Variants in GGACT observed in about 807,000 individuals in gnomAD.
GGACT encodes the protein gamma-glutamylamine cyclotransferase.
For missense variants in GGACT, 241 were observed against 233.2 expected (o/e 1.03, Z -0.22); for synonymous variants, 118 against 115.3 (o/e 1.02, Z -0.15).
At chr13:100,579,115 C>T (rs1156973551) in intron 2 of GGACT, among the ~76,000 whole-genome samples, 1 of 152,118 alleles carries the variant, frequency 6.6e-6, no homozygotes, top group Non-Finnish European at 1.5e-5. Flanking sequence ...ACTGGGTGCC[C>T]ACTATGTGGA....
At chr13:100,546,995 A>G (rs999013554) in intron 2 of GGACT, among the ~76,000 whole-genome samples, 1 of 152,220 alleles carries the variant, frequency 6.6e-6, no homozygotes, top group African/African-American at 2.4e-5. Context: ...CATCCCACTC[A>G]GCCCAGATTC....
chr13:100,564,444 G>A (rs1273805086), intron 2 of GGACT, among the ~76,000 whole-genome samples: 6 of 152,116 alleles, frequency 3.9e-5, no homozygotes, highest in Admixed American at 3.9e-4. Context: ...ATTAAAGATT[G>A]AAGATTTGTA....
chr13:100,553,836 T>C (rs1594189715), intron 2 of GGACT, among the ~76,000 whole-genome samples: 3 of 81,876 alleles, frequency 3.7e-5, no homozygotes, highest in African/African-American at 6.1e-5. Flanking sequence ...GAAGCGAGAC[T>C]CCATCTCAAA....
At position 100,534,751 on chromosome 13, in the gene GGACT, A is replaced by G. The variant is rs185615916; in HGVS notation, c.-10-2150T>C. The stretch of plus-strand genomic sequence containing the variant: ...TCTCCCAACCTGCTCTCCTCCTCCA[A>G]TGCCTGCCTGCATCCCTGTTGTCTT... On this transcript the variant is annotated intron_variant, in intron 2 of 2. Coordinates refer to ENST00000683975, the MANE Select transcript of GGACT (RefSeq NM_001195087.2). This position sits in a 1 kb window ranked among gnomAD's most constrained non-coding sequence, Gnocchi z 4.9. 5.1e-3 allele frequency among the ~76,000 whole-genome samples: 767 copies of G among 151,710 alleles called. 6 individuals carry two copies. Among genetic ancestry groups the G allele is most frequent in the African/African-American group, 0.017 (704 of 41,346 alleles).
chr13:100,586,743 T>G (rs890328909), intron 1 of GGACT: 3 of 152,316 alleles, frequency 2.0e-5, no homozygotes, highest in East Asian at 3.9e-4. Flanking sequence ...TCTAGCTATT[T>G]ACCAGGTCTG....
chr13:100,551,048 G>A (rs1264226870), intron 2 of GGACT, among the ~76,000 whole-genome samples: 1 of 152,180 alleles, frequency 6.6e-6, no homozygotes, highest in East Asian at 1.9e-4. Flanking sequence ...ACTTTGGGAG[G>A]CCGAGGCGGG....
chr13:100,559,060 T>C (rs2088735051), intron 2 of GGACT, among the ~76,000 whole-genome samples: 1 of 152,082 alleles, frequency 6.6e-6, no homozygotes, highest in South Asian at 2.1e-4. Context: ...ATGATGAAAG[T>C]GTTCTAAACC....
chr13:100,559,107 T>G (rs2088735483), intron 2 of GGACT, among the ~76,000 whole-genome samples: 2 of 152,306 alleles, frequency 1.3e-5, no homozygotes, highest in African/African-American at 4.8e-5. Context: ...AGAGCACAGC[T>G]CTGATGATGG....
At chr13:100,533,636 G>T (rs1051281091) in intron 2 of GGACT, 4 of 152,216 alleles carry the variant, frequency 2.6e-5, no homozygotes, top group African/African-American at 9.7e-5. Context: ...CTGACGCAGC[G>T]GAGCTCAGCA....
intron 2 of GGACT, among the ~76,000 whole-genome samples, chr13:100,574,368 G>T (rs898709456): frequency 7.9e-5 from 12 of 152,140 alleles, no homozygotes; most frequent in African/African-American, 2.9e-4. Context: ...TTGATGTCAG[G>T]AGTTTGAGAC....
chr13:100,562,393 C>G (rs1180846072), intron 2 of GGACT, among the ~76,000 whole-genome samples: 1 of 152,198 alleles, frequency 6.6e-6, no homozygotes, highest in Admixed American at 6.5e-5. Flanking sequence ...CCTGGCACCT[C>G]ACGCAGTACC....
chr13:100,577,588 T>C (rs1293947302), intron 2 of GGACT, among the ~76,000 whole-genome samples: 1 of 152,110 alleles, frequency 6.6e-6, no homozygotes, highest in African/African-American at 2.4e-5. Flanking sequence ...ATGACATGAT[T>C]TCTGGCATTT....
At chr13:100,555,691 G>A (rs2153014662) in intron 2 of GGACT, among the ~76,000 whole-genome samples, 1 of 152,052 alleles carries the variant, frequency 6.6e-6, no homozygotes, top group East Asian at 1.9e-4. Context: ...AAAAAGAAAA[G>A]AAAAAATTAC....
intron 2 of GGACT, among the ~76,000 whole-genome samples, chr13:100,561,201 C>G (rs1478031432): frequency 6.6e-6 from 1 of 152,186 alleles, no homozygotes; most frequent in Non-Finnish European, 1.5e-5. Flanking sequence ...TATCTACAAG[C>G]TTTCCTTGAA....
intron 2 of GGACT, among the ~76,000 whole-genome samples, chr13:100,575,423 A>G (rs1316272135): frequency 2.0e-5 from 3 of 152,190 alleles, no homozygotes; most frequent in Admixed American, 2.0e-4. Context: ...AAAGAGATAG[A>G]TGCATGATTT....
intron 1 of GGACT, among the ~76,000 whole-genome samples, chr13:100,588,261 C>A (rs1478724400): frequency 6.6e-6 from 1 of 152,190 alleles, no homozygotes; most frequent in African/African-American, 2.4e-5. Flanking sequence ...AACCTTAGAT[C>A]AGAAATTCAC....
At chr13:100,552,024 C>T (rs888487891) in intron 2 of GGACT, among the ~76,000 whole-genome samples, 1 of 152,212 alleles carries the variant, frequency 6.6e-6, no homozygotes, top group Non-Finnish European at 1.5e-5. Flanking sequence ...TCTACAGCCA[C>T]CCGCACCTGA....
At chr13:100,574,405 G>A (rs1875189602) in intron 2 of GGACT, among the ~76,000 whole-genome samples, 1 of 152,100 alleles carries the variant, frequency 6.6e-6, no homozygotes, top group Non-Finnish European at 1.5e-5. Context: ...GCAAAACCCT[G>A]TCTCTACTAA....
At chr13:100,565,520 G>A (rs1488229744) in intron 2 of GGACT, among the ~76,000 whole-genome samples, 1 of 141,032 alleles carries the variant, frequency 7.1e-6, no homozygotes, top group Non-Finnish European at 1.6e-5. Flanking sequence ...AGCTTTCACA[G>A]CAAAAGGATT....
Sources: gnomAD v4.1 joint callset for allele counts (sites outside exome capture counted in the v4.1 genomes callset) on GRCh38, gnomAD v4.1.1 for gene constraint, Gnocchi (gnomAD v3.1) non-coding constraint, MANE v1.5 for transcripts, NCBI Gene and HGNC (gene_info 2026-07-23, HGNC 2026-07-21) for gene names.